WDR81: variants seen among roughly 807,000 people sequenced by gnomAD.
WDR81 encodes WD repeat domain 81.
WDR81 carries 92 observed loss-of-function variants against 140.8 expected under a neutral mutation model. That is an observed-to-expected ratio of 0.65 (90% CI 0.55 to 0.78). The LOEUF is 0.78. Among genes scored for constraint, WDR81 ranks in the 30% least tolerant of loss-of-function variants. The pLI is 0.00. For missense variants in WDR81, 2,502 were observed against 2,636.4 expected (o/e 0.95, Z 1.12); for synonymous variants, 1,183 against 1,156.4 (o/e 1.02, Z -0.47).
chr17:1,723,317 A>G (rs1448160485), upstream of WDR81, among the ~76,000 whole-genome samples: 1 of 152,022 alleles, frequency 6.6e-6, no homozygotes, highest in South Asian at 2.1e-4. Context: ...TCTTGGGGGA[A>G]CATTTCTTCC....
At position 1,733,954 on chromosome 17, in the gene WDR81, C is replaced by T; in HGVS notation, c.4917C>T (p.Ile1639=). 2.5e-6 allele frequency: 4 copies of T among 1,612,888 alleles called. No individual in the cohort carries two copies. The Admixed American group carries it at 5.0e-5, about 20-fold the overall frequency. The part of the protein sequence containing the change: ...QQDAHFHFHQ[I]RLQSFPGHSG... ...ATGCCCACTTTCACTTCCACCAGAT[C>T]CGCCTGCAGAGCTTCCCGGGCCACT... Residue 1639 remains isoleucine, a synonymous_variant, in exon 7 of 10, where the codon ATC becomes ATT. Transcript: ENST00000409644.
chr17:1,730,374 C>T lies in WDR81; in HGVS notation c.3668-6C>T, dbSNP rs1290547948. ...GAGGAGCTCAGGGCCTGCTCCCACC[C>T]CGCAGATACAGCCTGCAAGATGGTC... On this transcript the variant is annotated splice_region_variant and splice_polypyrimidine_tract_variant and intron_variant, in intron 1 of 9. Coordinates refer to ENST00000409644, the MANE Select transcript of WDR81 (RefSeq NM_001163809.2). The T allele has an allele frequency of 2.5e-6, 4 of 1,609,202 alleles. No individual in the cohort carries two copies. Among genetic ancestry groups the T allele is most frequent in the Non-Finnish European group, 3.4e-6 (4 of 1,178,052 alleles).
intron 1 of WDR81, among the ~76,000 whole-genome samples, chr17:1,729,781 T>G (rs1453772693): frequency 1.3e-5 from 2 of 151,496 alleles, no homozygotes; most frequent in African/African-American, 4.8e-5. Flanking sequence ...GCCAATATGG[T>G]GAAACCCCAT....
Position 1,726,014 on chromosome 17 carries a change from G to T in WDR81, c.1055G>T (p.Trp352Leu). The T allele has an allele frequency of 6.5e-7, 1 of 1,546,606 alleles. No individual in the cohort carries two copies. Among genetic ancestry groups the T allele is most frequent in the Non-Finnish European group, 8.7e-7 (1 of 1,144,302 alleles). Residue 352 changes from tryptophan to leucine, a missense_variant, in exon 1 of 10, where the codon TGG becomes TTG. By Grantham distance (61) the Trp-to-Leu change is moderately conservative. Around this residue, in one of 3 missense-constraint regions of WDR81, gnomAD observed 547 missense variants for 513.8 expected, o/e 1.06. Coordinates refer to ENST00000409644, the MANE Select transcript of WDR81 (RefSeq NM_001163809.2). Reference protein sequence around the residue: ...QEELRSLVLDWVHGRISNFHY... With the variant: ...QEELRSLVLDLVHGRISNFHY... ...GAACTTCGGAGCCTCGTGCTAGATT[G>T]GGTCCACGGCCGCATCAGCAACTTC...
chr17:1,735,595 C>T lies in WDR81; in HGVS notation c.5203C>T (p.Pro1735Ser). 1 of 1,612,078 alleles carries T rather than the reference C, an allele frequency of 6.2e-7. No individual in the cohort carries two copies. Among genetic ancestry groups the T allele is most frequent in the Non-Finnish European group, 8.5e-7 (1 of 1,179,734 alleles). Residue 1735 changes from proline (P) to serine (S), a missense_variant, in exon 8 of 10, where the codon CCG becomes TCG. Coordinates refer to ENST00000409644, the MANE Select transcript of WDR81 (RefSeq NM_001163809.2). The surrounding 1 kb of genome is among the most constrained non-coding windows in gnomAD (Gnocchi z 4.2). ...FTGKTLRTVE[P>S]LDSRVPLTAV... ...AGGGAAGACCCTTCGCACAGTGGAGCCGCTGGACAGCCGGGTGCCCCTGAC... is the reference window on the plus strand; with the variant it reads ...AGGGAAGACCCTTCGCACAGTGGAGTCGCTGGACAGCCGGGTGCCCCTGAC...
chr17:1,727,561 A>C lies in WDR81; in HGVS notation c.2602A>C (p.Ser868Arg). 1.3e-6 allele frequency: 2 copies of C among 1,550,420 alleles called. No homozygotes were observed. Among genetic ancestry groups the C allele is most frequent in the Non-Finnish European group, 1.7e-6 (2 of 1,146,998 alleles). ...PCPSQLLSPF[S>R]SVVPFPPYFP... ...CCCAAGCCAGCTTCTCAGCCCCTTC[A>C]GCTCCGTGGTTCCCTTCCCACCCTA... Residue 868 changes from serine (S) to arginine (R), a missense_variant, in exon 1 of 10, where the codon AGC (serine) becomes CGC (arginine). Ser to Arg is a moderately radical substitution (Grantham distance 110, BLOSUM62 -1). Around this residue, in one of 3 missense-constraint regions of WDR81, gnomAD observed 1,737 missense variants for 1,843.0 expected, o/e 0.94. Transcript: ENST00000409644.
chr17:1,724,304 C>T (rs959792699), upstream of WDR81, among the ~76,000 whole-genome samples: 1 of 152,352 alleles, frequency 6.6e-6, no homozygotes, highest in South Asian at 2.1e-4. Flanking sequence ...GCAGAGGTTG[C>T]GGTGAGCCGA....
rs764344812 is a variant in WDR81, at chr17:1,732,876, C to A, written c.4489+45C>A. The A allele has an allele frequency of 4.0e-5, 62 of 1,555,232 alleles. No homozygotes were observed. In the South Asian group the frequency reaches 4.4e-4, roughly 11 times the overall value. On this transcript the variant is annotated intron_variant, in intron 6 of 9. Transcript: ENST00000409644. ...CCCATCACAGTCTTCGTGGCTGTCT[C>A]CTCCCTTGGGAGGCCCCATTCTCTG...
At chr17:1,728,688 T>C (rs975006974) in intron 1 of WDR81, 62 bp downstream of exon 1, 52 of 1,432,528 alleles carry the variant, frequency 3.6e-5, no homozygotes, top group Admixed American at 2.9e-4. Context: ...AGCACAGTGG[T>C]TCACGCCTGT....
chr17:1,729,756 A>T (rs1915551007), intron 1 of WDR81, among the ~76,000 whole-genome samples: 2 of 151,690 alleles, frequency 1.3e-5, no homozygotes, highest in Admixed American at 1.3e-4. Flanking sequence ...AGGTCAGGAG[A>T]TTGAGACCAT....
At position 1,727,902 on chromosome 17, in the gene WDR81, C is replaced by T. The variant is rs1242567104; in HGVS notation, c.2943C>T (p.Tyr981=). 6.4e-7 allele frequency: 1 copy of T among 1,550,764 alleles called. No homozygotes were observed. The highest frequency in any genetic ancestry group is 8.7e-7 in the Non-Finnish European group (1 of 1,147,062). Residue 981 remains tyrosine (Y), a synonymous_variant, in exon 1 of 10, where the codon TAC becomes TAT. Coordinates refer to ENST00000409644, the MANE Select transcript of WDR81 (RefSeq NM_001163809.2). ...ESPCQLHGRF[Y]LYTDCFVAQL... ...CCTGCCAGCTACACGGCCGCTTCTA[C>T]CTGTACACGGACTGCTTTGTGGCCC...
At chr17:1,729,986 G>GT (rs1411119683) in intron 1 of WDR81, among the ~76,000 whole-genome samples, 1 of 113,278 alleles carries the variant, frequency 8.8e-6, no homozygotes, top group Non-Finnish European at 1.9e-5. Context: ...GCGAGACTCT[G>GT]TCTCAAAAAA....
At chr17:1,732,876 C>T (rs764344812) in intron 6 of WDR81, 45 bp downstream of exon 6, 2 of 1,555,352 alleles carry the variant, frequency 1.3e-6, no homozygotes, top group South Asian at 1.2e-5. Flanking sequence ...GTGGCTGTCT[C>T]CTCCCTTGGG....
Position 1,733,948 on chromosome 17 carries a change from C to G in WDR81, c.4911C>G (p.His1637Gln). Residue 1637 changes from histidine (H) to glutamine (Q), a missense_variant, in exon 7 of 10, where the codon CAC (histidine) becomes CAG (glutamine). Physicochemically the swap from His to Gln is conservative, Grantham distance 24. Coordinates refer to ENST00000409644, the MANE Select transcript of WDR81 (RefSeq NM_001163809.2). Reference protein sequence around the residue: ...VSQQDAHFHFHQIRLQSFPGH... With the variant: ...VSQQDAHFHFQQIRLQSFPGH... ...AGCAGGATGCCCACTTTCACTTCCA[C>G]CAGATCCGCCTGCAGAGCTTCCCGG... The G allele has an allele frequency of 6.2e-7, 1 of 1,612,858 alleles. No individual in the cohort carries two copies. The highest frequency in any genetic ancestry group is 8.5e-7 in the Non-Finnish European group (1 of 1,179,990).
chr17:1,732,312 G>A lies in WDR81; in HGVS notation c.4158-13G>A, dbSNP rs993370405. 6.2e-7 allele frequency: 1 copy of A among 1,612,270 alleles called. No individual in the cohort carries two copies. The highest frequency in any genetic ancestry group is 1.1e-5 in the South Asian group (1 of 91,022). The stretch of plus-strand genomic sequence containing the variant: ...CAGAACGGCGGGCTGGAGCTCATGA[G>A]CTCTGTTTCCAGGTTCCCAAGTGGG... On this transcript the variant is annotated splice_polypyrimidine_tract_variant and intron_variant, in intron 4 of 9. Transcript: ENST00000409644.
At position 1,737,592 on chromosome 17, in the gene WDR81, C is replaced by T. The variant is rs367654140; in HGVS notation, c.5733C>T (p.Asn1911=). The T allele has an allele frequency of 2.7e-5, 43 of 1,612,874 alleles. No individual in the cohort carries two copies. The South Asian group carries it at 3.0e-4, about 11-fold the overall frequency. ...SQATTKLSSE[N]FRGTLTSLAL... ...CCACCACGAAGCTCAGCTCTGAGAA[C>T]TTCCGCGGCACGCTCACCAGCCTGG... The change falls in exon 10 of 10, where the codon AAC becomes AAT. Residue 1911 remains asparagine (N), a synonymous_variant. Transcript: ENST00000409644.
chr17:1,732,638 G>C (rs764895910), intron 5 of WDR81, 28 bp from the exon 6 acceptor site: 116 of 1,584,122 alleles, frequency 7.3e-5, no homozygotes, highest in Non-Finnish European at 9.5e-5. Context: ...TGTGGACCCG[G>C]CTGACCCCCT....
upstream of WDR81, among the ~76,000 whole-genome samples, chr17:1,722,199 A>G (rs1017681173): frequency 1.3e-5 from 2 of 152,170 alleles, no homozygotes; most frequent in African/African-American, 4.8e-5. Flanking sequence ...ACAGATGACT[A>G]GCTCCTGGTA....
Position 1,725,536 on chromosome 17 carries a change from G to A in WDR81, c.577G>A (p.Gly193Ser). 1 of 1,545,274 alleles carries A rather than the reference G, an allele frequency of 6.5e-7. No individual in the cohort carries two copies. The highest frequency in any genetic ancestry group is 8.7e-7 in the Non-Finnish European group (1 of 1,146,954). The change falls in exon 1 of 10, where the codon GGT becomes AGT. Residue 193 changes from glycine (G) to serine (S), a missense_variant. Gly to Ser is a moderately conservative substitution (Grantham distance 56). Coordinates refer to ENST00000409644, the MANE Select transcript of WDR81 (RefSeq NM_001163809.2). ...CTATGGTTGCTCCTTCCTGCCAGTGGGTGAAACTACCCAATGCCCTTCATA... is the reference window on the plus strand; with the variant it reads ...CTATGGTTGCTCCTTCCTGCCAGTGAGTGAAACTACCCAATGCCCTTCATA... ...RVYGCSFLPVGETTQCPSYAR... is the reference protein window; with the variant it reads ...RVYGCSFLPVSETTQCPSYAR...
Sources: gnomAD v4.1 joint callset for allele counts (sites outside exome capture counted in the v4.1 genomes callset) on GRCh38, gnomAD v4.1.1 for gene constraint, gnomAD v4.1.1 regional missense constraint, Gnocchi (gnomAD v3.1) non-coding constraint, MANE v1.5 for transcripts, NCBI Gene and HGNC (gene_info 2026-07-23, HGNC 2026-07-21) for gene names.